Variants in SPATA4 observed in about 807,000 individuals in gnomAD.
SPATA4 encodes spermatogenesis associated 4, also known as spermatogenesis-associated protein 4.
A neutral mutation model predicts 31.8 loss-of-function variants in SPATA4; 35 were observed. The ratio of observed to expected loss-of-function variants is 1.10; its 90% CI spans 0.84 to 1.46. The LOEUF (loss-of-function observed/expected upper bound fraction) is 1.46. SPATA4 is among the 40% of genes most tolerant of loss of function. The probability of loss-of-function intolerance (pLI) is 0.00; values close to 1 mark genes in which losing one functional copy is unlikely to be tolerated. For missense variants in SPATA4, 394 were observed against 363.1 expected, an observed-to-expected ratio of 1.09 and a Z score of -0.69; for synonymous variants, 126 against 132.4, an observed-to-expected ratio of 0.95 and a Z score of 0.33.
At chr4:176,195,199 A>T in intron 1 of SPATA4, 146 bp downstream of exon 1, 1 of 652,752 alleles carries the variant, frequency 1.5e-6, no homozygotes. Flanking sequence ...CTTGTTCCCT[A>T]ATAGTGTTTT....
chr4:176,187,706 T>A (rs1023959300), intron 5 of SPATA4, among the ~76,000 whole-genome samples: 2 of 152,250 alleles, frequency 1.3e-5, no homozygotes, highest in Non-Finnish European at 2.9e-5. Flanking sequence ...GTAGTATAAA[T>A]GCTTTCTGAA....
chr4:176,193,589 C>T lies in SPATA4; in HGVS notation c.219-7G>A, dbSNP rs201169096. The T allele has an allele frequency of 1.9e-6, 3 of 1,597,366 alleles. No homozygotes were observed. The highest frequency in any genetic ancestry group is 2.6e-6 in the Non-Finnish European group (3 of 1,174,994). The stretch of plus-strand genomic sequence containing the variant: ...GAAGCCATTTGAAAAATCTCTGATC[C>T]GTGGCAATTAGGAAATGAAATAAAG... On this transcript the variant is annotated splice_polypyrimidine_tract_variant and splice_region_variant and intron_variant, in intron 1 of 5. Transcript: ENST00000280191.
chr4:176,186,608 C>T (rs1752444928), intron 5 of SPATA4, among the ~76,000 whole-genome samples: 1 of 152,164 alleles, frequency 6.6e-6, no homozygotes, highest in South Asian at 2.1e-4. Context: ...TACTATGCCT[C>T]AGGTGGTTGA....
Sources: gnomAD v4.1 joint callset for allele counts (sites outside exome capture counted in the v4.1 genomes callset) on GRCh38, gnomAD v4.1.1 for gene constraint, MANE v1.5 for transcripts, NCBI Gene and HGNC (gene_info 2026-07-23, HGNC 2026-07-21) for gene names.